Variants in TLN2 observed in about 807,000 individuals in gnomAD.
TLN2 encodes the protein talin-2.
Under a neutral mutation model 294.7 loss-of-function variants are expected in TLN2, and 118 were observed. The ratio of observed to expected loss-of-function variants is 0.40; its 90% confidence interval spans 0.34 to 0.47. The LOEUF is 0.47. Ranked by LOEUF, TLN2 falls within the 20% of genes least tolerant of loss-of-function variation. The pLI, the probability that TLN2 is intolerant of heterozygous loss-of-function variation, is 0.84. For synonymous variants in TLN2, 1,431 were observed against 1,304.5 expected, an observed-to-expected ratio of 1.10 and a Z score of -2.09; for missense variants, 3,083 against 3,282.2, an observed-to-expected ratio of 0.94 and a Z score of 1.48.
At chr15:62,463,455 C>G (rs1359997071) in intron 1 of TLN2, among the ~76,000 whole-genome samples, 1 of 152,110 alleles carries the variant, frequency 6.6e-6, no homozygotes, top group Admixed American at 6.5e-5. Flanking sequence ...GAAGCCTAGC[C>G]ACCAAGAAGG....
At chr15:62,448,495 C>T (rs1216395321) in intron 1 of TLN2, among the ~76,000 whole-genome samples, 2 of 152,214 alleles carry the variant, frequency 1.3e-5, no homozygotes, top group Non-Finnish European at 2.9e-5. Context: ...AGTACCCTCT[C>T]TGTCATGTGC....
At chr15:62,689,963 C>T (rs1236735248) in intron 12 of TLN2, among the ~76,000 whole-genome samples, 1 of 9,296 alleles carries the variant, frequency 1.1e-4, no homozygotes, top group African/African-American at 1.7e-4. Context: ...CCGGATGGGG[C>T]GGCTGGCCGA....
rs1251554268 is a variant in TLN2 at position 62,683,500 on chromosome 15, C to T, written c.958-3141C>T. On this transcript the variant is annotated intron_variant, in intron 11 of 58. Coordinates refer to ENST00000636159, the MANE Select transcript of TLN2 (RefSeq NM_015059.3). The stretch of plus-strand genomic sequence containing the variant: ...CATTGGTAGAATGCCTGCATTCTCC[C>T]GCCTCTCATTGGTAGAATGCCTGCA... 1.4e-4 allele frequency among the ~76,000 whole-genome samples: 18 copies of T among 127,504 alleles called. No individual in the cohort carries two copies. In the East Asian group the frequency reaches 1.9e-3, roughly 13 times the overall value. 83.6% of individuals were successfully genotyped at this position (127,504 alleles called of 152,430 possible).
chr15:62,727,084 T>C lies in TLN2; in HGVS notation c.3256-3T>C, dbSNP rs1257307500. 1.9e-6 allele frequency: 3 copies of C among 1,613,882 alleles called. No homozygotes were observed. The highest frequency in any genetic ancestry group is 2.7e-5 in the African/African-American group (2 of 74,934). ...TTCTTTCCCTCCTTGAATATTCTTG[T>C]AGCTGGAAAAATGTGCTCAGGACCT... is the stretch of plus-strand genomic sequence containing the variant. On this transcript the variant is annotated splice_polypyrimidine_tract_variant and splice_region_variant and intron_variant, in intron 27 of 58. Transcript: ENST00000636159.
rs541782033 is a variant in TLN2 at position 62,652,192 on chromosome 15, T to C, written c.364+58T>C. ...TGCTTAGTTTTTAATTACAGGCCTC[T>C]TCTTTTTTCCACCTGCATTTGATCT... On this transcript the variant is annotated intron_variant, in intron 6 of 58. Transcript: ENST00000636159. 7 of 1,441,238 alleles carry C rather than the reference T, an allele frequency of 4.9e-6. No individual in the cohort carries two copies. The African/African-American group carries it at 9.9e-5, about 20-fold the overall frequency. The allele number at this position is 1,441,238 out of a possible 1,614,324, so 89.3% of individuals were successfully genotyped here. A position where few individuals can be genotyped will look rare whatever the true frequency, so the allele number is the denominator to read the frequency against.
chr15:62,472,189 TTG>T (rs1207223353), intron 1 of TLN2, among the ~76,000 whole-genome samples: 1 of 152,150 alleles, frequency 6.6e-6, no homozygotes, highest in East Asian at 1.9e-4. Context: ...TTCACCCACT[TTG>T]GGGTCTGTGT....
intron 1 of TLN2, among the ~76,000 whole-genome samples, chr15:62,557,395 G>C (rs917285135): frequency 2.6e-5 from 4 of 152,238 alleles, no homozygotes; most frequent in African/African-American, 7.2e-5. Flanking sequence ...ATATAAAAGA[G>C]GAAGAGAATG....
intron 3 of TLN2, among the ~76,000 whole-genome samples, chr15:62,626,612 G>A (rs1251540534): frequency 1.3e-5 from 2 of 152,198 alleles, no homozygotes; most frequent in African/African-American, 2.4e-5. Context: ...CGACAAGGAT[G>A]TGCACCTAGA....
At chr15:62,801,026 A>T (rs1369736068) in intron 50 of TLN2, among the ~76,000 whole-genome samples, 1 of 152,200 alleles carries the variant, frequency 6.6e-6, no homozygotes, top group Non-Finnish European at 1.5e-5. Flanking sequence ...CTTCCACTAA[A>T]ATTATAGCAC....
chr15:62,483,643 G>C (rs759802376), intron 1 of TLN2, among the ~76,000 whole-genome samples: 18 of 152,132 alleles, frequency 1.2e-4, no homozygotes, highest in African/African-American at 3.9e-4. Flanking sequence ...CTCTCCAGCT[G>C]TTGGCAGACA....
chr15:62,761,014 C>G (rs1254704486), intron 37 of TLN2, among the ~76,000 whole-genome samples: 8 of 152,142 alleles, frequency 5.3e-5, no homozygotes, highest in Non-Finnish European at 1.0e-4. Flanking sequence ...TGTGTTTGCA[C>G]TTGGTACTAA....
chr15:62,735,716 A>G (rs1356268164), intron 28 of TLN2, among the ~76,000 whole-genome samples: 1 of 152,184 alleles, frequency 6.6e-6, no homozygotes, highest in Non-Finnish European at 1.5e-5. Flanking sequence ...ATGACCTAGC[A>G]GTTCACCTCC....
At chr15:62,508,714 T>A (rs1201143489) in intron 1 of TLN2, among the ~76,000 whole-genome samples, 2 of 152,254 alleles carry the variant, frequency 1.3e-5, no homozygotes, top group African/African-American at 4.8e-5. Flanking sequence ...TCTTAAATTA[T>A]CCTGGAAAAT....
intron 46 of TLN2, 56 bp downstream of exon 46, chr15:62,792,843 C>T: frequency 6.3e-7 from 1 of 1,596,624 alleles, no homozygotes; most frequent in Non-Finnish European, 8.5e-7. Context: ...TCTCAGTGAT[C>T]CGCTGTAATC....
At chr15:62,644,830 C>G (rs2051638969) in intron 3 of TLN2, 1 of 331,892 alleles carries the variant, frequency 3.0e-6, no homozygotes, top group South Asian at 2.5e-5. Context: ...AGTGGAATCT[C>G]TCTCTGCATG....
intron 54 of TLN2, among the ~76,000 whole-genome samples, chr15:62,825,802 T>A (rs1185009978): frequency 1.7e-3 from 7 of 4,212 alleles, no homozygotes; most frequent in African/African-American, 2.3e-3. Flanking sequence ...TAATATATAT[T>A]ATATATTATA....
chr15:62,452,227 G>A (rs2036199286), intron 1 of TLN2, among the ~76,000 whole-genome samples: 1 of 152,134 alleles, frequency 6.6e-6, no homozygotes, highest in African/African-American at 2.4e-5. Context: ...AGGAGGGCTT[G>A]CGAAAAGTCC....
At chr15:62,698,003 G>A (rs2058470148) in intron 15 of TLN2, 135 bp downstream of exon 15, 6 of 1,179,816 alleles carry the variant, frequency 5.1e-6, no homozygotes, top group Admixed American at 3.0e-5. Flanking sequence ...GTTCAGCTGT[G>A]CATTTTTTAA....
intron 22 of TLN2, among the ~76,000 whole-genome samples, chr15:62,713,487 T>C (rs998309182): frequency 1.3e-5 from 2 of 152,028 alleles, no homozygotes; most frequent in Non-Finnish European, 2.9e-5. Context: ...AAGACCAGCC[T>C]GACCGACATG....
Sources: allele counts gnomAD v4.1 joint callset (sites outside exome capture counted in the v4.1 genomes callset), GRCh38; gene constraint gnomAD v4.1.1; transcripts MANE v1.5; gene names NCBI Gene and HGNC (gene_info 2026-07-23, HGNC 2026-07-21).